TUBGCP4: variants seen among roughly 807,000 people sequenced by gnomAD.
TUBGCP4 encodes gamma-tubulin complex component 4.
A neutral mutation model predicts 91.6 loss-of-function variants in TUBGCP4; 54 were observed. The observed-to-expected ratio is 0.59, with a 90% CI of 0.47 to 0.74. TUBGCP4 has a LOEUF of 0.74. Among genes scored for constraint, TUBGCP4 ranks in the 30% least tolerant of loss-of-function variants. The pLI, the probability that TUBGCP4 is intolerant of heterozygous loss-of-function variation, is 0.00. For missense variants in TUBGCP4, 593 were observed against 800.9 expected (o/e 0.74, Z 3.13); for synonymous variants, 297 against 302.8 (o/e 0.98, Z 0.20).
chr15:43,393,803 T>G (rs1355873598), intron 9 of TUBGCP4, among the ~76,000 whole-genome samples: 1 of 152,170 alleles, frequency 6.6e-6, no homozygotes, highest in Non-Finnish European at 1.5e-5. Flanking sequence ...TGCATAGTAT[T>G]CCATGGTGTA....
In TUBGCP4 at chr15:43,407,938, G is replaced by C; in HGVS notation, c.*2724G>C. 1.2e-6 allele frequency: 2 copies of C among 1,610,274 alleles called. No individual in the cohort carries two copies. Among genetic ancestry groups the C allele is most frequent in the Non-Finnish European group, 1.7e-6 (2 of 1,179,492 alleles). On this transcript the variant is annotated 3_prime_UTR_variant, in exon 18 of 18. Coordinates refer to ENST00000564079, the MANE Select transcript of TUBGCP4 (RefSeq NM_014444.5). ...CAAAGACACTACACACACTCTTTCA[G>C]GTACCTTTGTTATGGGCACTTGAAT...
Position 43,404,593 on chromosome 15 carries a change from T to A in TUBGCP4, c.1988+41T>A, listed in dbSNP as rs779063465. On this transcript the variant is annotated intron_variant, in intron 17 of 17. Coordinates refer to ENST00000564079, the MANE Select transcript of TUBGCP4 (RefSeq NM_014444.5). ...GGGTAACTCAGTAGACTTTTTAAGG[T>A]GGCTTTTTAATGAGTTGTAGAATTC... 4 of 1,603,666 alleles carry A rather than the reference T, an allele frequency of 2.5e-6. No individual in the cohort carries two copies. In the South Asian group the frequency reaches 4.4e-5, roughly 18 times the overall value.
chr15:43,384,936 G>T (rs1427190749), intron 7 of TUBGCP4, among the ~76,000 whole-genome samples: 1 of 152,206 alleles, frequency 6.6e-6, no homozygotes, highest in East Asian at 1.9e-4. Context: ...GAGCAAAGAG[G>T]TGTGAGAGAT....
At chr15:43,372,786 T>C (rs144996457) in intron 1 of TUBGCP4, among the ~76,000 whole-genome samples, 1 of 152,352 alleles carries the variant, frequency 6.6e-6, no homozygotes, top group East Asian at 1.9e-4. Flanking sequence ...TTAAGCATCC[T>C]CCCCTGATGC....
chr15:43,398,354 TG>T (rs1266963877), intron 13 of TUBGCP4, 175 bp downstream of exon 13: 9 of 570,708 alleles, frequency 1.6e-5, no homozygotes, highest in South Asian at 4.2e-5. Flanking sequence ...AAATCCATCC[TG>T]GGCAACATAG....
rs2045046395 is a variant in TUBGCP4 at position 43,409,661 on chromosome 15, A to C, written c.*4447A>C. Reference sequence around the variant, plus strand: ...AAACTCCTCACCTGGGCTTCATTGAAATCTTCAAGGATATAGCCAGCTCCT... The same window carrying C: ...AAACTCCTCACCTGGGCTTCATTGACATCTTCAAGGATATAGCCAGCTCCT... On this transcript the variant is annotated 3_prime_UTR_variant, in exon 18 of 18. Transcript: ENST00000564079. 6.4e-7 allele frequency: 1 copy of C among 1,550,412 alleles called. No individual in the cohort carries two copies. The highest frequency in any genetic ancestry group is 8.7e-7 in the Non-Finnish European group (1 of 1,150,016).
At chr15:43,379,647 A>C (rs1047558264) in intron 5 of TUBGCP4, among the ~76,000 whole-genome samples, 107 of 151,574 alleles carry the variant, frequency 7.1e-4, no homozygotes, top group African/African-American at 2.4e-3. Context: ...TCTCAAAAAA[A>C]AAAAAAAAAA....
chr15:43,379,347 A>G (rs35975365), intron 5 of TUBGCP4, among the ~76,000 whole-genome samples: 18,440 of 152,262 alleles, frequency 0.12, 1,510 homozygotes, highest in Middle Eastern at 0.22. Context: ...AGTGGTAAAA[A>G]TAAAAGTCTG....
Position 43,407,495 on chromosome 15 carries a change from GCTTCAGCACA to G in TUBGCP4, c.*2291_*2300del. On this transcript the variant is annotated 3_prime_UTR_variant, in exon 18 of 18. Transcript: ENST00000564079. Reference sequence around the variant, plus strand: ...TTGTGACACCACAGGCAGCTGCAATGCTTCAGCACACTTCAGCACCGAGGCTGGGCATGAG... The same window carrying G: ...TTGTGACACCACAGGCAGCTGCAATGCTTCAGCACCGAGGCTGGGCATGAG... 6.2e-7 allele frequency: 1 copy of G among 1,614,202 alleles called. No individual in the cohort carries two copies.
chr15:43,406,268 C>A lies in TUBGCP4; in HGVS notation c.*1054C>A, dbSNP rs2044875580. 1 of 204,432 alleles carries A rather than the reference C, an allele frequency of 4.9e-6. No homozygotes were observed. The highest frequency in any genetic ancestry group is 1.0e-5 in the Non-Finnish European group (1 of 99,822). The allele number at this position is 204,432 out of a possible 1,614,324, so 12.7% of individuals were successfully genotyped here. On this transcript the variant is annotated 3_prime_UTR_variant, in exon 18 of 18. Coordinates refer to ENST00000564079, the MANE Select transcript of TUBGCP4 (RefSeq NM_014444.5). The stretch of plus-strand genomic sequence containing the variant: ...GAAATATTCACTGAACAACGCCCTC[C>A]AAACTGAAAAAGAATGCAGTGTTCT...
intron 9 of TUBGCP4, among the ~76,000 whole-genome samples, chr15:43,386,816 A>C (rs2044383483): frequency 6.6e-6 from 1 of 152,048 alleles, no homozygotes; most frequent in African/African-American, 2.4e-5. Flanking sequence ...GAGCTTGGAA[A>C]GAAATGTTGC....
At chr15:43,401,090 A>G (rs969065680) in intron 14 of TUBGCP4, among the ~76,000 whole-genome samples, 2 of 152,104 alleles carry the variant, frequency 1.3e-5, no homozygotes, top group African/African-American at 4.8e-5. Flanking sequence ...TGTTTGCTAT[A>G]ACTTCTGGAA....
At chr15:43,404,626 G>T in intron 17 of TUBGCP4, 74 bp downstream of exon 17, 1 of 1,507,582 alleles carries the variant, frequency 6.6e-7, no homozygotes. Context: ...TTCTAGAACT[G>T]GAAGAAGACT....
At chr15:43,404,933 A>C (rs1449123806) in intron 17 of TUBGCP4, 3 of 530,320 alleles carry the variant, frequency 5.7e-6, no homozygotes, top group Non-Finnish European at 9.9e-6. Flanking sequence ...TTCTAACTCT[A>C]AACTTTAAAA....
Position 43,407,620 on chromosome 15 carries a change from C to T in TUBGCP4, c.*2406C>T. 5 of 1,537,900 alleles carry T rather than the reference C, an allele frequency of 3.3e-6. No homozygotes were observed. The highest frequency in any genetic ancestry group is 1.2e-5 in the South Asian group (1 of 83,802). On this transcript the variant is annotated 3_prime_UTR_variant, in exon 18 of 18. Transcript: ENST00000564079. ...GAAGGAAAGGACACTCAACTTAGCC[C>T]TCCATTAGAAAGAGAGATTTGATTC... is the stretch of plus-strand genomic sequence containing the variant.
chr15:43,375,967 T>C, intron 1 of TUBGCP4, 131 bp from the exon 2 acceptor site: 1 of 1,372,594 alleles, frequency 7.3e-7, no homozygotes, highest in South Asian at 1.3e-5. Flanking sequence ...TACATTGTTA[T>C]CCAGAACTTA....
chr15:43,404,056 T>C (rs1332633420), intron 16 of TUBGCP4: 1 of 533,286 alleles, frequency 1.9e-6, no homozygotes, highest in Non-Finnish European at 3.3e-6. Flanking sequence ...TTGTTCTAAC[T>C]TCCTCACATC....
rs1264442793 is a variant in TUBGCP4 at position 43,406,525 on chromosome 15, C to CA, written c.*1312dup. The CA allele has an allele frequency of 8.9e-6, 4 of 450,816 alleles. No individual in the cohort carries two copies. The highest frequency in any genetic ancestry group is 1.8e-5 in the Non-Finnish European group (4 of 224,896). The allele number at this position is 450,816 out of a possible 1,614,324, so 27.9% of individuals were successfully genotyped here. On this transcript the variant is annotated 3_prime_UTR_variant, in exon 18 of 18. Coordinates refer to ENST00000564079, the MANE Select transcript of TUBGCP4 (RefSeq NM_014444.5). ...TTGTCTATGGTTGCTTTCATGCCCT[C>CA]ACAGCAAAGGCGAGTAGTTGTGATG...
At chr15:43,384,148 A>G (rs977973064) in intron 7 of TUBGCP4, among the ~76,000 whole-genome samples, 6 of 152,064 alleles carry the variant, frequency 3.9e-5, no homozygotes, top group Non-Finnish European at 8.8e-5. Context: ...AAAGTTCTAC[A>G]TTGTCCATAT....
Sources: gnomAD v4.1 joint callset for allele counts (sites outside exome capture counted in the v4.1 genomes callset) on GRCh38, gnomAD v4.1.1 for gene constraint, MANE v1.5 for transcripts, NCBI Gene and HGNC (gene_info 2026-07-23, HGNC 2026-07-21) for gene names.